The following ZNF236 variants were observed in gnomAD, a reference collection of about 807,000 sequenced individuals.
ZNF236 encodes regulated by glucose.
ZNF236 carries 50 observed loss-of-function variants against 191.2 expected under a neutral mutation model. The ratio of observed to expected loss-of-function variants is 0.26; its 90% CI spans 0.21 to 0.33. The LOEUF (loss-of-function observed/expected upper bound fraction) is 0.33. Among genes scored for constraint, ZNF236 ranks in the 10% least tolerant of loss-of-function variants. The probability of loss-of-function intolerance (pLI) is 1.00; values close to 1 mark genes in which losing one functional copy is unlikely to be tolerated. For synonymous variants in ZNF236, 907 were observed against 928.8 expected (o/e 0.98, Z 0.43); for missense variants, 1,754 against 2,374.5 (o/e 0.74, Z 5.43).
rs756558334 is a variant in ZNF236, at chr18:76,912,232, C to T, written c.2806-12C>T. The T allele has an allele frequency of 4.4e-6, 7 of 1,608,800 alleles. No homozygotes were observed. Among genetic ancestry groups the T allele is most frequent in the Non-Finnish European group, 6.0e-6 (7 of 1,175,960 alleles). On this transcript the variant is annotated splice_polypyrimidine_tract_variant and intron_variant, in intron 16 of 30. Transcript: ENST00000320610. ...TTCAAGTAGTTTGCTTTATACTTCT[C>T]TTAAATTTTAGACAACTCGCTTGAT...
chr18:76,865,736 C>A (rs914685696), intron 3 of ZNF236, among the ~76,000 whole-genome samples: 1 of 152,172 alleles, frequency 6.6e-6, no homozygotes, highest in Admixed American at 6.5e-5. Flanking sequence ...AAGGGTTAAA[C>A]TCTGAAATCA....
intron 19 of ZNF236, among the ~76,000 whole-genome samples, chr18:76,916,926 C>T (rs1298420930): frequency 1.3e-5 from 2 of 152,230 alleles, no homozygotes; most frequent in Non-Finnish European, 2.9e-5. Flanking sequence ...CCTCTGTCTG[C>T]TTTGCCACCA....
At chr18:76,920,628 G>A (rs1198001358) in intron 20 of ZNF236, among the ~76,000 whole-genome samples, 1 of 152,076 alleles carries the variant, frequency 6.6e-6, no homozygotes, top group Non-Finnish European at 1.5e-5. Flanking sequence ...AGTAAACAAT[G>A]AAAACAAATG....
At position 76,919,696 on chromosome 18, in the gene ZNF236, C is replaced by T. The variant is rs536453918; in HGVS notation, c.3275-80C>T. 6.0e-5 allele frequency: 89 copies of T among 1,488,734 alleles called. No homozygotes were observed. In the East Asian group the frequency reaches 1.7e-3, roughly 29 times the overall value. 92.2% of individuals were successfully genotyped at this position (1,488,734 alleles called of 1,614,324 possible). A position where few individuals can be genotyped will look rare whatever the true frequency, so the allele number is the denominator to read the frequency against. ...TTATTAATTTTCATTACATACATACCTATTTAGTTTTAATTGTTTTGCTAA... is the reference window on the plus strand; with the variant it reads ...TTATTAATTTTCATTACATACATACTTATTTAGTTTTAATTGTTTTGCTAA... On this transcript the variant is annotated intron_variant, in intron 19 of 30. Coordinates refer to ENST00000320610, the MANE Select transcript of ZNF236 (RefSeq NM_001306089.2). This position sits in a 1 kb window ranked among gnomAD's most constrained non-coding sequence, Gnocchi z 5.3.
rs368363549 is a variant in ZNF236, at chr18:76,875,590, G to A, written c.766G>A (p.Ala256Thr). The A allele has an allele frequency of 1.9e-6, 3 of 1,607,234 alleles. No homozygotes were observed. The highest frequency in any genetic ancestry group is 2.5e-6 in the Non-Finnish European group (3 of 1,176,620). The change falls in exon 6 of 31, where the codon GCC becomes ACC. Residue 256 changes from alanine (A) to threonine (T), a missense_variant. Ala to Thr is a moderately conservative substitution (Grantham distance 58, BLOSUM62 0). Coordinates refer to ENST00000320610, the MANE Select transcript of ZNF236 (RefSeq NM_001306089.2). This position sits in a 1 kb window ranked among gnomAD's most constrained non-coding sequence, Gnocchi z 4.3. ...MIKHTGEKPH[A>T]CAFCPAAFSQ... ...CAAGCACACAGGTGAAAAACCCCAT[G>A]CCTGTGCCTTCTGTCCTGCCGCCTT... is the stretch of plus-strand genomic sequence containing the variant.
At chr18:76,874,164 A>T (rs1166402563) in intron 5 of ZNF236, among the ~76,000 whole-genome samples, 2 of 151,642 alleles carry the variant, frequency 1.3e-5, no homozygotes, top group Non-Finnish European at 2.9e-5. Flanking sequence ...GTGCCTCCTG[A>T]CTGTCTGTCC....
At position 76,919,801 on chromosome 18, in the gene ZNF236, A is replaced by C; in HGVS notation, c.3300A>C (p.Glu1100Asp). The change falls in exon 20 of 31, where the codon GAA (glutamate) becomes GAC (aspartate). Residue 1100 changes from glutamate to aspartate, a missense_variant. This residue lies in a region of ZNF236 where 641 missense variants were observed against 869.6 expected (regional missense o/e 0.74). Transcript: ENST00000320610. This position sits in a 1 kb window ranked among gnomAD's most constrained non-coding sequence, Gnocchi z 5.3. ...GGDICMEEEE[E>D]HSDRNASRKS... ...ACATTTGTATGGAGGAAGAGGAAGA[A>C]CATTCTGACAGAAATGCATCACGGA... The C allele has an allele frequency of 6.2e-7, 1 of 1,614,192 alleles. No homozygotes were observed. The highest frequency in any genetic ancestry group is 8.5e-7 in the Non-Finnish European group (1 of 1,179,990).
chr18:76,830,018 G>A (rs912608929), intron 1 of ZNF236, among the ~76,000 whole-genome samples: 1 of 152,136 alleles, frequency 6.6e-6, no homozygotes, highest in African/African-American at 2.4e-5. Flanking sequence ...TTACAGGCAC[G>A]CGCCACCACG....
intron 6 of ZNF236, among the ~76,000 whole-genome samples, chr18:76,876,640 C>T (rs1333935004): frequency 2.0e-5 from 3 of 152,142 alleles, no homozygotes; most frequent in African/African-American, 7.2e-5. Flanking sequence ...ATCTAAGACC[C>T]AGAGACATTA....
chr18:76,919,751 A>T lies in ZNF236; in HGVS notation c.3275-25A>T. 1 of 1,604,092 alleles carries T rather than the reference A, an allele frequency of 6.2e-7. No individual in the cohort carries two copies. Reference sequence around the variant, plus strand: ...CTAGGTTTTCTTCATTACGATTTTGATCCCTTTTCCTTGATTTTGTGTAGA... The same window carrying T: ...CTAGGTTTTCTTCATTACGATTTTGTTCCCTTTTCCTTGATTTTGTGTAGA... On this transcript the variant is annotated intron_variant, in intron 19 of 30. Transcript: ENST00000320610. This position sits in a 1 kb window ranked among gnomAD's most constrained non-coding sequence, Gnocchi z 5.3.
intron 30 of ZNF236, among the ~76,000 whole-genome samples, chr18:76,966,419 A>G (rs758785645): frequency 4.6e-5 from 7 of 152,194 alleles, no homozygotes; most frequent in Non-Finnish European, 1.0e-4. Flanking sequence ...ACAGAAATTT[A>G]TTGGAGTAAA....
In ZNF236 at chr18:76,957,080, G is replaced by A. The variant is rs189710447; in HGVS notation, c.5112+898G>A. 3.0e-3 allele frequency among the ~76,000 whole-genome samples: 456 copies of A among 152,332 alleles called. 1 individual carries two copies. The highest frequency in any genetic ancestry group is 0.011 in the African/African-American group (437 of 41,574). On this transcript the variant is annotated intron_variant, in intron 28 of 30. Transcript: ENST00000320610. ...TGGCCAGGCCACGCAGAGGGCAGAG[G>A]CGTGCCACGCTGGCCGGGAAGGAAA...
At chr18:76,841,483 T>G (rs547646632) in intron 1 of ZNF236, among the ~76,000 whole-genome samples, 4 of 152,352 alleles carry the variant, frequency 2.6e-5, no homozygotes, top group African/African-American at 9.6e-5. Flanking sequence ...ACAGTTTATT[T>G]CATACATTTA....
chr18:76,878,084 A>C lies in ZNF236; in HGVS notation c.916A>C (p.Ile306Leu). The change falls in exon 7 of 31, where the codon ATC becomes CTC. Residue 306 changes from isoleucine to leucine, a missense_variant. Physicochemically the swap from Ile to Leu is conservative, Grantham distance 5 (BLOSUM62 2). Transcript: ENST00000320610. ...AAGTTTAGGCAGCTTAAACACGCAT[A>C]TCAGCAAGATGCATATGGGTGGGCC... ...FKSLGSLNTHISKMHMGGPQN... is the reference protein window; with the variant it reads ...FKSLGSLNTHLSKMHMGGPQN... 6.2e-7 allele frequency: 1 copy of C among 1,613,592 alleles called. No homozygotes were observed. The highest frequency in any genetic ancestry group is 8.5e-7 in the Non-Finnish European group (1 of 1,179,640).
At chr18:76,932,844 G>A (rs745827407) in intron 25 of ZNF236, among the ~76,000 whole-genome samples, 22 of 152,328 alleles carry the variant, frequency 1.4e-4, no homozygotes, top group Non-Finnish European at 2.4e-4. Flanking sequence ...AATTGGGGAT[G>A]TTCTGACCGA....
intron 26 of ZNF236, among the ~76,000 whole-genome samples, chr18:76,942,083 A>G (rs1424437502): frequency 6.6e-6 from 1 of 152,246 alleles, no homozygotes; most frequent in African/African-American, 2.4e-5. Flanking sequence ...AAGGTGGTCA[A>G]GAGAAATTAA....
chr18:76,925,405 A>G lies in ZNF236; in HGVS notation c.3878A>G (p.Glu1293Gly), dbSNP rs919638473. The G allele has an allele frequency of 1.9e-6, 3 of 1,614,206 alleles. No homozygotes were observed. In the South Asian group the frequency reaches 3.3e-5, roughly 18 times the overall value. Residue 1293 changes from glutamate to glycine, a missense_variant, in exon 22 of 31, where the codon GAA becomes GGA. Glu to Gly is a moderately conservative substitution (Grantham distance 98). Coordinates refer to ENST00000320610, the MANE Select transcript of ZNF236 (RefSeq NM_001306089.2). This position sits in a 1 kb window ranked among gnomAD's most constrained non-coding sequence, Gnocchi z 5.7. ...ARKPMTRSSS[E>G]GLQPVNLLNS... is the part of the protein sequence containing the mutation. ...AAGCCTATGACTCGAAGCTCATCGG[A>G]AGGACTGCAGCCTGTAAACCTCCTC...
rs140949666 is a variant in ZNF236 at position 76,878,585 on chromosome 18, A to G, written c.984+433A>G. ...GTAGTTAAAAATTGTATGACTCTAA[A>G]TACATATGCCTACACACAGAGAGAC... is the stretch of plus-strand genomic sequence containing the variant. On this transcript the variant is annotated intron_variant, in intron 7 of 30. Transcript: ENST00000320610. Among the ~76,000 whole-genome samples the G allele has an allele frequency of 1.4e-4, 21 of 152,052 alleles. No homozygotes were observed. The East Asian group carries it at 3.9e-3, about 28-fold the overall frequency.
At position 76,971,582 on chromosome 18, in the gene ZNF236, C is replaced by T. The variant is rs1171498427; in HGVS notation, c.*3243C>T. Among the ~76,000 whole-genome samples the T allele has an allele frequency of 6.6e-6, 1 of 152,214 alleles. No homozygotes were observed. The highest frequency in any genetic ancestry group is 1.5e-5 in the Non-Finnish European group (1 of 68,038). ...AGTGTTCTGTGTCTTCCTTTGAACT[C>T]ATATCACATTTATTACAAGAGACGC... On this transcript the variant is annotated 3_prime_UTR_variant, in exon 31 of 31. Transcript: ENST00000320610.
Sources: allele counts gnomAD v4.1 joint callset (sites outside exome capture counted in the v4.1 genomes callset), GRCh38; gene constraint gnomAD v4.1.1; regional missense constraint gnomAD v4.1.1; non-coding constraint Gnocchi (gnomAD v3.1); transcripts MANE v1.5; gene names NCBI Gene and HGNC (gene_info 2026-07-23, HGNC 2026-07-21).